MGAT4C: variants seen among roughly 807,000 people sequenced by gnomAD.
MGAT4C encodes the protein MGAT4 family member C.
In MGAT4C, 19 loss-of-function variants were observed where a neutral mutation model predicts 40.1. The ratio of observed to expected loss-of-function variants is 0.47; its 90% CI spans 0.33 to 0.70. The LOEUF (loss-of-function observed/expected upper bound fraction) is 0.70. Among genes scored for constraint, MGAT4C ranks in the 30% least tolerant of loss-of-function variants. The pLI is 0.02. For synonymous variants in MGAT4C, 181 were observed against 187.1 expected (o/e 0.97, Z 0.27); for missense variants, 491 against 563.2 (o/e 0.87, Z 1.30).
At position 86,409,511 on chromosome 12, in the gene MGAT4C, C is replaced by CA. The variant is rs201855881; in HGVS notation, c.-120+25645dup. Among the ~76,000 whole-genome samples, 49 of 150,824 alleles carry CA rather than the reference C, an allele frequency of 3.2e-4. No individual in the cohort carries two copies. The East Asian group carries it at 5.0e-3, about 16-fold the overall frequency. ...TAACAAAAACTATTACAAAGGACTGCAAAAAAAAAGTTTGCACAAAAGACA... is the reference window on the plus strand; with the variant it reads ...TAACAAAAACTATTACAAAGGACTGCAAAAAAAAAAGTTTGCACAAAAGACA... On this transcript the variant is annotated intron_variant, in intron 3 of 7. Transcript: ENST00000548651.
At chr12:86,219,652 A>G (rs1467996229) in intron 1 of MGAT4C, among the ~76,000 whole-genome samples, 2 of 152,208 alleles carry the variant, frequency 1.3e-5, no homozygotes, top group African/African-American at 2.4e-5. Context: ...ATTTCACTGG[A>G]CAAGTTGTAA....
In MGAT4C at chr12:86,738,919, T is replaced by C. The variant is rs775129909; in HGVS notation, c.-261-11678A>G. 4.0e-5 allele frequency among the ~76,000 whole-genome samples: 6 copies of C among 150,934 alleles called. No individual in the cohort carries two copies. In the South Asian group the frequency reaches 1.2e-3, roughly 31 times the overall value. On this transcript the variant is annotated intron_variant, in intron 1 of 7. Coordinates refer to the MGAT4C transcript ENST00000548651. ...GTCCATGCTATTACTGGGAAAAAGC[T>C]CTTTTATCATAAAATTTTATTAAAT...
At chr12:86,630,418 T>C (rs530658948) in intron 2 of MGAT4C, among the ~76,000 whole-genome samples, 2 of 152,236 alleles carry the variant, frequency 1.3e-5, no homozygotes, top group African/African-American at 4.8e-5. Flanking sequence ...CCAGTATCAC[T>C]GTGATACCAA....
At chr12:86,735,951 TA>T (rs1950979421) in intron 1 of MGAT4C, among the ~76,000 whole-genome samples, 1 of 151,868 alleles carries the variant, frequency 6.6e-6, no homozygotes, top group South Asian at 2.1e-4. Flanking sequence ...TGGGTAAGTG[TA>T]TTTTTGTATT....
chr12:86,452,213 CT>C (rs980824749), intron 2 of MGAT4C, among the ~76,000 whole-genome samples: 1 of 147,562 alleles, frequency 6.8e-6, no homozygotes, highest in African/African-American at 2.5e-5. Flanking sequence ...TTTTTATATA[CT>C]TTTTTATTAT....
chr12:86,501,132 CATTGGAAAAAGAAT>C (rs1360623272), intron 2 of MGAT4C, among the ~76,000 whole-genome samples: 20 of 151,872 alleles, frequency 1.3e-4, no homozygotes, highest in Admixed American at 1.3e-3. Context: ...TGTATAGCCA[CATTGGAAAAAGAAT>C]AAATTCTGAA....
At chr12:86,650,617 A>G (rs185226846) in intron 2 of MGAT4C, among the ~76,000 whole-genome samples, 77 of 152,014 alleles carry the variant, frequency 5.1e-4, no homozygotes, top group Middle Eastern at 3.4e-3. Flanking sequence ...TAGTGGGTCT[A>G]GAAGTTGAAA....
chr12:86,001,665 G>A (rs1887314091), intron 2 of MGAT4C: 1 of 980,870 alleles, frequency 1.0e-6, no homozygotes, highest in Admixed American at 6.2e-5. Flanking sequence ...GTAAGAAGTT[G>A]GTATAGTCAC....
chr12:86,311,401 G>A (rs750901942), intron 4 of MGAT4C, among the ~76,000 whole-genome samples: 15 of 152,148 alleles, frequency 9.9e-5, no homozygotes, highest in Admixed American at 2.0e-4. Flanking sequence ...GCGGTCTGTC[G>A]CTGACTGAAA....
chr12:86,696,242 T>C (rs1950256726), intron 2 of MGAT4C, among the ~76,000 whole-genome samples: 2 of 152,014 alleles, frequency 1.3e-5, no homozygotes, highest in South Asian at 4.1e-4. Context: ...TTGGATTGTT[T>C]GTAGCACAAA....
chr12:86,536,100 T>C (rs781128624), intron 2 of MGAT4C, among the ~76,000 whole-genome samples: 3 of 152,068 alleles, frequency 2.0e-5, no homozygotes, highest in Non-Finnish European at 4.4e-5. Context: ...TAAAGAACCA[T>C]CCATGTTAAT....
At chr12:86,834,076 A>C (rs1369485769) in intron 1 of MGAT4C, among the ~76,000 whole-genome samples, 1 of 151,776 alleles carries the variant, frequency 6.6e-6, no homozygotes, top group African/African-American at 2.4e-5. Flanking sequence ...CATTCATTCA[A>C]CGATGGATAC....
intron 3 of MGAT4C, among the ~76,000 whole-genome samples, chr12:86,345,530 G>T (rs1229963336): frequency 6.6e-6 from 1 of 151,780 alleles, no homozygotes; most frequent in Admixed American, 6.6e-5. Flanking sequence ...GCAGTGTTTG[G>T]TTTTTTGTCC....
chr12:86,134,091 T>A (rs1881616182), intron 1 of MGAT4C, among the ~76,000 whole-genome samples: 1 of 152,118 alleles, frequency 6.6e-6, no homozygotes, highest in African/African-American at 2.4e-5. Flanking sequence ...TAGTTATGTG[T>A]TTTACAATTC....
intron 1 of MGAT4C, among the ~76,000 whole-genome samples, chr12:86,781,134 T>C (rs573682775): frequency 8.5e-5 from 13 of 152,238 alleles, no homozygotes; most frequent in Admixed American, 7.9e-4. Context: ...CACAAGATTT[T>C]TTTTATATAT....
intron 2 of MGAT4C, among the ~76,000 whole-genome samples, chr12:86,586,652 G>T (rs1328496105): frequency 5.7e-5 from 8 of 139,262 alleles, no homozygotes. Context: ...TCTAACTGGT[G>T]TGAGATGATA....
At chr12:86,384,563 T>G (rs1027513043) in intron 3 of MGAT4C, among the ~76,000 whole-genome samples, 3 of 152,244 alleles carry the variant, frequency 2.0e-5, no homozygotes, top group Non-Finnish European at 4.4e-5. Flanking sequence ...GCATTAGTAT[T>G]TGATACAGCA....
chr12:86,296,456 G>A (rs904257543), intron 4 of MGAT4C, among the ~76,000 whole-genome samples: 1 of 152,188 alleles, frequency 6.6e-6, no homozygotes, highest in Non-Finnish European at 1.5e-5. Context: ...AGCAGGGGGC[G>A]GCATTCGTCA....
At chr12:86,279,072 T>A (rs1389839816) in intron 4 of MGAT4C, among the ~76,000 whole-genome samples, 1 of 152,186 alleles carries the variant, frequency 6.6e-6, no homozygotes, top group Non-Finnish European at 1.5e-5. Flanking sequence ...TTTGCCTCAA[T>A]GTTTATCATG....
Sources: gnomAD v4.1 joint callset for allele counts (sites outside exome capture counted in the v4.1 genomes callset) on GRCh38, gnomAD v4.1.1 for gene constraint, MANE v1.5 for transcripts, NCBI Gene and HGNC (gene_info 2026-07-23, HGNC 2026-07-21) for gene names.